Variants in BST1 observed in about 807,000 individuals in gnomAD.
BST1 encodes ADP-ribosyl cyclase/cyclic ADP-ribose hydrolase 2.
Under a neutral mutation model 40.6 loss-of-function variants are expected in BST1, and 49 were observed. The ratio of observed to expected loss-of-function variants is 1.21; its 90% CI spans 0.96 to 1.53. The LOEUF is 1.53. Ranked by LOEUF, BST1 falls within the 40% of genes most tolerant of loss-of-function variation. The pLI is 0.00. For missense variants in BST1, 423 were observed against 395.9 expected (o/e 1.07, Z -0.58); for synonymous variants, 157 against 159.3 (o/e 0.99, Z 0.11).
the BST1 span, among the ~76,000 whole-genome samples, chr4:15,747,218 G>A: frequency 7.9e-5 from 12 of 152,144 alleles, no homozygotes; most frequent in Non-Finnish European, 1.6e-4. Context: ...ACTTTTGATT[G>A]TAAAGGTCAA....
chr4:15,733,092 A>G (rs1166597135), downstream of BST1, among the ~76,000 whole-genome samples: 2 of 152,134 alleles, frequency 1.3e-5, no homozygotes, highest in Non-Finnish European at 2.9e-5. Flanking sequence ...AGCTTCCACA[A>G]TGTGGAAGGG....
intron 8 of BST1, among the ~76,000 whole-genome samples, chr4:15,725,943 CGGTCTTTTTTTT>C (rs1396549995): frequency 8.1e-6 from 1 of 123,530 alleles, no homozygotes; most frequent in African/African-American, 2.9e-5. Flanking sequence ...TTGTGAAGTG[CGGTCTTTTTTTT>C]TTTTTTTTTT....
At chr4:15,741,093 A>G (rs1110258), downstream of BST1, among the ~76,000 whole-genome samples, 31,486 of 141,088 alleles carry the variant, frequency 0.22, 4,103 homozygotes, top group Admixed American at 0.36. Context: ...TATTATATCT[A>G]GCGACAAAAG....
chr4:15,748,958 G>A, the BST1 span, among the ~76,000 whole-genome samples: 2 of 152,210 alleles, frequency 1.3e-5, no homozygotes, highest in African/African-American at 2.4e-5. Flanking sequence ...GAGGAAGGGA[G>A]GATGAGACGA....
At chr4:15,717,778 A>C (rs2148886889) in intron 6 of BST1, among the ~76,000 whole-genome samples, 1 of 152,358 alleles carries the variant, frequency 6.6e-6, no homozygotes, top group African/African-American at 2.4e-5. Context: ...ATATGTTGCA[A>C]GGATGCAACT....
In BST1 at chr4:15,731,808, C is replaced by G. The variant is rs776974255; in HGVS notation, c.920C>G (p.Pro307Arg). ...YTEQRAGLII[P>R]LFLVLASRTQ... ...GAACAAAGGGCGGGTCTTATCATTC[C>G]CCTCTTTCTGGTGCTGGCTTCCAGG... Residue 307 changes from proline to arginine, a missense_variant, in exon 9 of 9, where the codon CCC becomes CGC. Pro to Arg is a moderately radical substitution (Grantham distance 103). Transcript: ENST00000265016. The G allele has an allele frequency of 2.5e-6, 4 of 1,613,766 alleles. No individual in the cohort carries two copies. The highest frequency in any genetic ancestry group is 1.7e-5 in the Admixed American group (1 of 59,960).
chr4:15,751,255 C>T, the BST1 span, among the ~76,000 whole-genome samples: 5 of 151,202 alleles, frequency 3.3e-5, no homozygotes, highest in South Asian at 4.2e-4. Context: ...GTAGTCTGTG[C>T]GGTGGTTAGG....
chr4:15,722,844 T>C, intron 7 of BST1, 31 bp from the exon 8 acceptor site: 2 of 1,588,224 alleles, frequency 1.3e-6, no homozygotes, highest in Non-Finnish European at 8.6e-7. Context: ...GTTATTTAAA[T>C]AATCCCTTAA....
the BST1 span, among the ~76,000 whole-genome samples, chr4:15,750,880 G>T: frequency 6.6e-6 from 1 of 151,852 alleles, no homozygotes; most frequent in African/African-American, 2.4e-5. Flanking sequence ...TATTTCTACT[G>T]GTCAGTACTG....
chr4:15,727,092 A>G (rs141126672), intron 8 of BST1, among the ~76,000 whole-genome samples: 12 of 152,244 alleles, frequency 7.9e-5, no homozygotes, highest in African/African-American at 2.6e-4. Flanking sequence ...CATTCCTAGA[A>G]GGAAGACAGT....
At chr4:15,737,696 C>T, downstream of BST1, 2 of 912,544 alleles carry the variant, frequency 2.2e-6, no homozygotes, top group Middle Eastern at 2.5e-4. Flanking sequence ...TCTCTTTCCT[C>T]TCCTGTCGTA....
the BST1 span, among the ~76,000 whole-genome samples, chr4:15,762,929 A>G: frequency 2.6e-5 from 4 of 151,954 alleles, no homozygotes; most frequent in African/African-American, 9.7e-5. Flanking sequence ...ATGTACCACA[A>G]TTTCTTTATC....
chr4:15,760,832 G>C, the BST1 span, among the ~76,000 whole-genome samples: 1 of 150,564 alleles, frequency 6.6e-6, no homozygotes, highest in Non-Finnish European at 1.5e-5. Context: ...GGGACCACAG[G>C]TGTGCACCAC....
At chr4:15,743,921 C>T in the BST1 span, among the ~76,000 whole-genome samples, 1 of 152,164 alleles carries the variant, frequency 6.6e-6, no homozygotes, top group South Asian at 2.1e-4. Flanking sequence ...GCTACATCTG[C>T]CTTTCTTGAG....
At chr4:15,766,127 G>T in the BST1 span, among the ~76,000 whole-genome samples, 3 of 151,980 alleles carry the variant, frequency 2.0e-5, no homozygotes, top group African/African-American at 7.3e-5. Flanking sequence ...CTGAGACAAA[G>T]ACTGTTTGGC....
the BST1 span, among the ~76,000 whole-genome samples, chr4:15,749,207 C>T: frequency 1.3e-5 from 2 of 152,136 alleles, no homozygotes; most frequent in Non-Finnish European, 2.9e-5. Context: ...GGGGGCAGAA[C>T]AGGTATTGGA....
At position 15,703,255 on chromosome 4, in the gene BST1, G is replaced by A. The variant is rs776306261; in HGVS notation, c.111G>A (p.Glu37=). 13 of 1,541,482 alleles carry A rather than the reference G, an allele frequency of 8.4e-6. No individual in the cohort carries two copies. The South Asian group carries it at 1.5e-4, about 18-fold the overall frequency. The change falls in exon 1 of 9, where the codon GAG becomes GAA. Residue 37 remains glutamate (E), a synonymous_variant. Coordinates refer to ENST00000265016, the MANE Select transcript of BST1 (RefSeq NM_004334.3). ...AGGARARWRG[E]GTSAHLRDIF... is the part of the protein sequence containing the mutation. ...GGGCGCGCGCGCGGTGGCGCGGGGA[G>A]GGCACCAGCGCACACTTGCGGGACA...
At chr4:15,767,954 C>T in the BST1 span, among the ~76,000 whole-genome samples, 1 of 152,154 alleles carries the variant, frequency 6.6e-6, no homozygotes, top group African/African-American at 2.4e-5. Flanking sequence ...CTCTTGGCTC[C>T]CAGGAGGAGG....
At chr4:15,756,003 A>G in the BST1 span, among the ~76,000 whole-genome samples, 1,819 of 152,338 alleles carry the variant, frequency 0.012, 45 homozygotes, top group African/African-American at 0.041. Context: ...GGTGGTGACT[A>G]AACAGTTCTC....
Sources: allele counts gnomAD v4.1 joint callset (sites outside exome capture counted in the v4.1 genomes callset), GRCh38; gene constraint gnomAD v4.1.1; transcripts MANE v1.5; gene names NCBI Gene and HGNC (gene_info 2026-07-23, HGNC 2026-07-21).